The following RYR3 variants were observed in gnomAD, a reference collection of about 807,000 sequenced individuals.
RYR3 encodes the protein ryanodine receptor 3, also known as brain ryanodine receptor-calcium release channel.
RYR3 carries 207 observed loss-of-function variants against 584.3 expected under a neutral mutation model. The ratio of observed to expected loss-of-function variants is 0.35; its 90% CI spans 0.32 to 0.40. The LOEUF is 0.40. Among genes scored for constraint, RYR3 ranks in the 10% least tolerant of loss-of-function variants. RYR3 has a pLI of 1.00. For missense variants in RYR3, 5,616 were observed against 6,089.2 expected, an observed-to-expected ratio of 0.92 and a Z score of 2.59; for synonymous variants, 2,416 against 2,248.5, an observed-to-expected ratio of 1.07 and a Z score of -2.11.
intron 1 of RYR3, among the ~76,000 whole-genome samples, chr15:33,353,155 A>G (rs552907308): frequency 6.6e-6 from 1 of 152,198 alleles, no homozygotes; most frequent in Non-Finnish European, 1.5e-5. Context: ...TTTAAATTAG[A>G]ACAGCCTAAG....
Position 33,811,018 on chromosome 15 carries a change from A to G in RYR3, c.10238A>G (p.Asn3413Ser). The change falls in exon 72 of 104, where the codon AAC becomes AGC. Residue 3413 changes from asparagine (N) to serine (S), a missense_variant. By Grantham distance (46) the Asn-to-Ser change is conservative. This residue lies in a region of RYR3 where 954 missense variants were observed against 1,132.2 expected (regional missense o/e 0.84). Transcript: ENST00000634891. Reference protein sequence around the residue: ...DEEVREHLRNNLHLQEKSDDP... With the variant: ...DEEVREHLRNSLHLQEKSDDP... Reference sequence around the variant, plus strand: ...GAGGTCAGAGAACATCTGCGGAACAACTTGCACTTGCAGGAAAAGGTGATG... The same window carrying G: ...GAGGTCAGAGAACATCTGCGGAACAGCTTGCACTTGCAGGAAAAGGTGATG... The G allele has an allele frequency of 6.2e-7, 1 of 1,608,908 alleles. No homozygotes were observed. The highest frequency in any genetic ancestry group is 8.5e-7 in the Non-Finnish European group (1 of 1,177,808).
intron 69 of RYR3, among the ~76,000 whole-genome samples, chr15:33,802,539 T>C (rs1398900765): frequency 1.3e-5 from 2 of 152,178 alleles, no homozygotes; most frequent in African/African-American, 4.8e-5. Context: ...GACATCTGTC[T>C]GAAGAAAGAC....
intron 19 of RYR3, among the ~76,000 whole-genome samples, chr15:33,617,967 A>G (rs902503325): frequency 4.6e-5 from 7 of 152,162 alleles, no homozygotes; most frequent in Non-Finnish European, 1.5e-5. Flanking sequence ...CCCCCAGTGT[A>G]ACAACCGTAT....
intron 32 of RYR3, among the ~76,000 whole-genome samples, chr15:33,657,409 T>G (rs887627691): frequency 1.3e-5 from 2 of 152,214 alleles, no homozygotes; most frequent in Non-Finnish European, 2.9e-5. Flanking sequence ...TTCCTACTGG[T>G]CCAGATGAAG....
intron 60 of RYR3, among the ~76,000 whole-genome samples, chr15:33,764,698 C>G (rs1385886713): frequency 2.0e-5 from 3 of 152,026 alleles, no homozygotes; most frequent in African/African-American, 7.2e-5. Flanking sequence ...CACTGCTTTC[C>G]ATCCCATGCT....
At chr15:33,312,513 G>T (rs1967483916) in intron 1 of RYR3, among the ~76,000 whole-genome samples, 1 of 152,098 alleles carries the variant, frequency 6.6e-6, no homozygotes, top group Admixed American at 6.5e-5. Context: ...TGGCCCCACA[G>T]TTGCAACTCA....
chr15:33,635,869 C>A, intron 26 of RYR3, 50 bp downstream of exon 26: 1 of 1,503,702 alleles, frequency 6.7e-7, no homozygotes, highest in Non-Finnish European at 9.0e-7. Context: ...AGTTTTCCTT[C>A]TCCAAACATT....
At chr15:33,553,684 G>A (rs1453729125) in intron 10 of RYR3, among the ~76,000 whole-genome samples, 1 of 152,186 alleles carries the variant, frequency 6.6e-6, no homozygotes, top group Non-Finnish European at 1.5e-5. Context: ...GAGCTAGGAT[G>A]TAGTATTACT....
chr15:33,570,555 G>C (rs117372608), intron 12 of RYR3, among the ~76,000 whole-genome samples: 3,419 of 151,952 alleles, frequency 0.023, 52 homozygotes, highest in Non-Finnish European at 0.036. Context: ...ATTTATTTTG[G>C]TGCTTCTGGG....
chr15:33,844,670 G>C (rs748024953), intron 92 of RYR3, among the ~76,000 whole-genome samples, 192 bp from the exon 93 acceptor site: 1 of 152,160 alleles, frequency 6.6e-6, no homozygotes, highest in Non-Finnish European at 1.5e-5. Flanking sequence ...CTTTTTAAAA[G>C]TTTGTTTGCA....
intron 1 of RYR3, among the ~76,000 whole-genome samples, chr15:33,344,198 C>T (rs78146270): frequency 0.051 from 7,792 of 152,182 alleles, 296 homozygotes; most frequent in Middle Eastern, 0.099. Context: ...TCAATTCATC[C>T]ATGTAAACCT....
intron 13 of RYR3, among the ~76,000 whole-genome samples, chr15:33,580,728 G>A (rs1427877395): frequency 6.6e-6 from 1 of 152,202 alleles, no homozygotes; most frequent in Non-Finnish European, 1.5e-5. Flanking sequence ...TGATGATTTA[G>A]TGCCAACAGG....
At chr15:33,826,584 C>G (rs1385925025) in intron 83 of RYR3, 88 bp from the exon 84 acceptor site, 2 of 1,149,218 alleles carry the variant, frequency 1.7e-6, no homozygotes, top group Admixed American at 1.7e-5. Context: ...TGACACAACT[C>G]CTTTATCATC....
At chr15:33,794,131 A>ATT (rs2075383978) in intron 67 of RYR3, among the ~76,000 whole-genome samples, 2 of 119,182 alleles carry the variant, frequency 1.7e-5, no homozygotes, top group South Asian at 5.3e-4. Flanking sequence ...ATATATATTT[A>ATT]TATATAATAT....
rs1489169637 is a variant in RYR3 at position 33,677,944 on chromosome 15, CTTCTGGACACCACCTAT to C, written c.5860+7391_5860+7407del. Among the ~76,000 whole-genome samples, 3 of 152,272 alleles carry C rather than the reference CTTCTGGACACCACCTAT, an allele frequency of 2.0e-5. No individual in the cohort carries two copies. In the East Asian group the frequency reaches 5.8e-4, roughly 29 times the overall value. On this transcript the variant is annotated intron_variant, in intron 38 of 103. Coordinates refer to ENST00000634891, the MANE Select transcript of RYR3 (RefSeq NM_001036.6). Reference sequence around the variant, plus strand: ...TCAGGAGGCTCCATATCCACTACGCCTTCTGGACACCACCTATTTATAGGAACTTAGATTTGTTTATT... The same window carrying C: ...TCAGGAGGCTCCATATCCACTACGCCTTATAGGAACTTAGATTTGTTTATT...
In RYR3 at chr15:33,663,749, T is replaced by C; in HGVS notation, c.5619+12T>C. The stretch of plus-strand genomic sequence containing the variant: ...CCCCACAGGAGCAGGTGAGGGTCCT[T>C]CCTGAGCCTCTGTCCAGTTCCTATG... On this transcript the variant is annotated intron_variant, in intron 36 of 103. Coordinates refer to ENST00000634891, the MANE Select transcript of RYR3 (RefSeq NM_001036.6). The C allele has an allele frequency of 6.3e-7, 1 of 1,590,978 alleles. No individual in the cohort carries two copies. Among genetic ancestry groups the C allele is most frequent in the East Asian group, 2.3e-5 (1 of 43,866 alleles).
chr15:33,466,586 G>C (rs973254888), intron 1 of RYR3, among the ~76,000 whole-genome samples: 1 of 152,146 alleles, frequency 6.6e-6, no homozygotes, highest in South Asian at 2.1e-4. Flanking sequence ...TGTCTGAGAG[G>C]TGGACACTGG....
chr15:33,364,946 G>GGAA (rs2141036150), intron 1 of RYR3, among the ~76,000 whole-genome samples: 1 of 152,254 alleles, frequency 6.6e-6, no homozygotes, highest in East Asian at 1.9e-4. Flanking sequence ...ATCTCAGGAA[G>GGAA]GAAGACAAGA....
intron 76 of RYR3, among the ~76,000 whole-genome samples, chr15:33,819,376 G>A (rs547579138): frequency 1.1e-3 from 167 of 152,172 alleles, no homozygotes; most frequent in African/African-American, 3.9e-3. Flanking sequence ...GGGGTCCAAA[G>A]AGTAGCCTGC....
Sources: gnomAD v4.1 joint callset for allele counts (sites outside exome capture counted in the v4.1 genomes callset) on GRCh38, gnomAD v4.1.1 for gene constraint, gnomAD v4.1.1 regional missense constraint, MANE v1.5 for transcripts, NCBI Gene and HGNC (gene_info 2026-07-23, HGNC 2026-07-21) for gene names.